The following IL1RAPL2 variants were observed in gnomAD, a reference collection of about 807,000 sequenced individuals.
IL1RAPL2 encodes the protein interleukin 1 receptor accessory protein like 2, also known as X-linked interleukin-1 receptor accessory protein-like 2.
Under a neutral mutation model 44.1 loss-of-function variants are expected in IL1RAPL2, and 3 were observed. That is an observed-to-expected ratio of 0.07 (90% CI 0.03 to 0.18). The LOEUF is 0.18. Ranked by LOEUF, IL1RAPL2 falls within the 10% of genes least tolerant of loss-of-function variation. The probability of loss-of-function intolerance (pLI) is 1.00; values close to 1 mark genes in which losing one functional copy is unlikely to be tolerated. For missense variants in IL1RAPL2, 391 were observed against 496.4 expected (o/e 0.79, Z 2.02); for synonymous variants, 181 against 178.8 (o/e 1.01, Z -0.10).
At chrX:104,688,385 C>CT (rs1054416955) in intron 2 of IL1RAPL2, among the ~76,000 whole-genome samples, 5 of 110,686 alleles carry the variant, frequency 4.5e-5, no homozygotes, top group Admixed American at 9.7e-5. Flanking sequence ...GAGTATCCTG[C>CT]TTTTTTTTCC....
chrX:105,022,594 G>A (rs1433901719), intron 2 of IL1RAPL2, among the ~76,000 whole-genome samples: 5 of 110,950 alleles, frequency 4.5e-5, no homozygotes, highest in Non-Finnish European at 7.6e-5. Context: ...GATTTTTCAT[G>A]GGTGCTAACC....
intron 2 of IL1RAPL2, among the ~76,000 whole-genome samples, chrX:104,949,254 C>A (rs1215561169): frequency 9.1e-6 from 1 of 109,478 alleles, no homozygotes; most frequent in Admixed American, 9.8e-5. Context: ...TCTGTGGGAT[C>A]GGTGGTGATA....
intron 2 of IL1RAPL2, among the ~76,000 whole-genome samples, chrX:104,809,960 C>A (rs892497573): frequency 1.8e-5 from 2 of 111,089 alleles, no homozygotes; most frequent in Non-Finnish European, 3.8e-5. Context: ...AAGACACATG[C>A]ACACATATGT....
At chrX:105,325,402 T>C (rs1051587536) in intron 5 of IL1RAPL2, among the ~76,000 whole-genome samples, 16 of 109,738 alleles carry the variant, frequency 1.5e-4, no homozygotes, top group Admixed American at 2.9e-4. Flanking sequence ...AGTATAGATA[T>C]ACTATATTTT....
chrX:104,580,791 A>G (rs1363895370), intron 1 of IL1RAPL2, among the ~76,000 whole-genome samples: 1 of 111,709 alleles, frequency 9.0e-6, no homozygotes, highest in Admixed American at 9.5e-5. Flanking sequence ...AATATTTTCT[A>G]TCTCTGAGTG....
At chrX:105,594,105 T>C (rs979545282) in intron 6 of IL1RAPL2, among the ~76,000 whole-genome samples, 1 of 111,826 alleles carries the variant, frequency 8.9e-6, no homozygotes, top group Non-Finnish European at 1.9e-5. Context: ...ATTTTTACTA[T>C]TGATAGTTCT....
intron 6 of IL1RAPL2, among the ~76,000 whole-genome samples, chrX:105,645,674 A>C: frequency 9.0e-6 from 1 of 111,588 alleles, no homozygotes; most frequent in Non-Finnish European, 1.9e-5. Context: ...ATCTATTGCT[A>C]CCCCACACAG....
chrX:104,752,944 C>G (rs1042982760), intron 2 of IL1RAPL2, among the ~76,000 whole-genome samples: 5 of 109,823 alleles, frequency 4.6e-5, no homozygotes, highest in African/African-American at 1.3e-4. Flanking sequence ...ATGGTTATAA[C>G]TTTGCTCATG....
At chrX:105,240,826 G>A (rs994217418) in intron 4 of IL1RAPL2, among the ~76,000 whole-genome samples, 1 of 111,938 alleles carries the variant, frequency 8.9e-6, no homozygotes, top group African/African-American at 3.2e-5. Context: ...ACCTAAAGAA[G>A]GTTAATGATT....
chrX:105,362,777 A>G (rs2035257237), intron 5 of IL1RAPL2, among the ~76,000 whole-genome samples: 1 of 111,771 alleles, frequency 8.9e-6, no homozygotes, highest in Admixed American at 9.5e-5. Flanking sequence ...ATATATTTGT[A>G]GGGAATAATG....
At chrX:104,794,819 A>G (rs1932841614) in intron 2 of IL1RAPL2, among the ~76,000 whole-genome samples, 4 of 112,178 alleles carry the variant, frequency 3.6e-5, no homozygotes, top group African/African-American at 1.3e-4. Context: ...GCTTTCCCTT[A>G]TAGCTTAAAA....
At chrX:105,130,863 T>C (rs1043434054) in intron 2 of IL1RAPL2, among the ~76,000 whole-genome samples, 4 of 111,250 alleles carry the variant, frequency 3.6e-5, no homozygotes, top group Non-Finnish European at 7.6e-5. Context: ...TAGAAGAGCT[T>C]ACTAGAAACA....
At chrX:104,850,826 G>A (rs1411589493) in intron 2 of IL1RAPL2, among the ~76,000 whole-genome samples, 1 of 111,326 alleles carries the variant, frequency 9.0e-6, no homozygotes, top group Non-Finnish European at 1.9e-5. Context: ...GGCTCTCCAT[G>A]TTAACTCTAT....
chrX:105,044,723 G>A (rs772117642), intron 2 of IL1RAPL2, among the ~76,000 whole-genome samples: 31 of 111,564 alleles, frequency 2.8e-4, no homozygotes, highest in Admixed American at 4.8e-4. Flanking sequence ...TTCCCACACT[G>A]TACTCCCAGA....
At chrX:105,039,479 C>T (rs1246605909) in intron 2 of IL1RAPL2, among the ~76,000 whole-genome samples, 1 of 111,806 alleles carries the variant, frequency 8.9e-6, no homozygotes, top group Non-Finnish European at 1.9e-5. Flanking sequence ...TCTCAACATA[C>T]CTATAAATAG....
chrX:105,434,298 C>T (rs2035866768), intron 5 of IL1RAPL2, among the ~76,000 whole-genome samples: 1 of 112,021 alleles, frequency 8.9e-6, no homozygotes, highest in African/African-American at 3.2e-5. Context: ...TGATACAGTG[C>T]TCTGGAAAAT....
chrX:104,822,240 C>G (rs1361141093), intron 2 of IL1RAPL2, among the ~76,000 whole-genome samples: 1 of 111,780 alleles, frequency 8.9e-6, no homozygotes, highest in East Asian at 2.8e-4. Flanking sequence ...TGTGCAGAAG[C>G]TCTTTAGTTT....
At chrX:105,639,216 A>C (rs997615638) in intron 6 of IL1RAPL2, among the ~76,000 whole-genome samples, 4 of 111,736 alleles carry the variant, frequency 3.6e-5, no homozygotes, top group African/African-American at 9.8e-5. Context: ...GCATATCTCC[A>C]TGCCTTATCA....
intron 6 of IL1RAPL2, among the ~76,000 whole-genome samples, chrX:105,497,759 G>A (rs757466471): frequency 8.9e-6 from 1 of 111,920 alleles, no homozygotes; most frequent in African/African-American, 3.2e-5. Flanking sequence ...AGAATGCAAG[G>A]AAGTTTCAAC....
Sources: allele counts gnomAD v4.1 joint callset (sites outside exome capture counted in the v4.1 genomes callset), GRCh38; gene constraint gnomAD v4.1.1; transcripts MANE v1.5; gene names NCBI Gene and HGNC (gene_info 2026-07-23, HGNC 2026-07-21).